The following PLEKHG7 variants were observed in gnomAD, a reference collection of about 807,000 sequenced individuals.
PLEKHG7 encodes the protein pleckstrin homology and RhoGEF domain containing G7.
PLEKHG7 carries 77 observed loss-of-function variants against 85.2 expected under a neutral mutation model. The observed-to-expected ratio is 0.90, with a 90% CI of 0.75 to 1.09. PLEKHG7 has a LOEUF of 1.09. Among genes scored for constraint, PLEKHG7 ranks in the 50% least tolerant of loss-of-function variants. PLEKHG7 has a pLI of 0.00. For synonymous variants in PLEKHG7, 301 were observed against 302.4 expected (o/e 1.00, Z 0.05); for missense variants, 777 against 804.3 (o/e 0.97, Z 0.41).
intron 15 of PLEKHG7, among the ~76,000 whole-genome samples, chr12:92,767,212 AT>A (rs1459531793): frequency 2.0e-5 from 3 of 152,360 alleles, no homozygotes; most frequent in Middle Eastern, 3.4e-3. Context: ...CAGTTATTGT[AT>A]TAGAATGTCA....
intron 5 of PLEKHG7, among the ~76,000 whole-genome samples, chr12:92,733,666 G>A (rs1273512992): frequency 6.6e-6 from 1 of 152,110 alleles, no homozygotes; most frequent in Non-Finnish European, 1.5e-5. Context: ...TCAGGAGAAG[G>A]GGCATCTCCC....
intron 9 of PLEKHG7, 31 bp downstream of exon 9, chr12:92,741,623 T>G (rs772589852): frequency 1.9e-6 from 3 of 1,547,542 alleles, no homozygotes; most frequent in Non-Finnish European, 1.8e-6. Flanking sequence ...CTCAGCTTCA[T>G]GTAGTAAAAT....
intron 3 of PLEKHG7, among the ~76,000 whole-genome samples, chr12:92,727,927 GGTGTGTGTGTGTGTGTGTGT>G (rs540230230): frequency 5.9e-5 from 5 of 84,980 alleles, no homozygotes; most frequent in Non-Finnish European, 1.2e-4. Flanking sequence ...GGTATTCTAT[GGTGTGTGTGTGTGTGTGTGT>G]GTGTGTGTGT....
intron 10 of PLEKHG7, among the ~76,000 whole-genome samples, chr12:92,753,581 CTT>C (rs1872748536): frequency 6.6e-6 from 1 of 152,226 alleles, no homozygotes; most frequent in African/African-American, 2.4e-5. Flanking sequence ...CCTCTCCTCT[CTT>C]TGTTCTAGAT....
chr12:92,721,641 C>T, intron 3 of PLEKHG7: 2 of 504,478 alleles, frequency 4.0e-6, no homozygotes, highest in Non-Finnish European at 2.5e-6. Flanking sequence ...CCCAGTTATA[C>T]AACCTTCTGG....
Position 92,770,510 on chromosome 12 carries a change from G to T in PLEKHG7, c.*315G>T. ...TAAAGGGTGAATGATCAGATAAATG[G>T]AGTATCAGAAGGAAAACAATGTCCA... On this transcript the variant is annotated 3_prime_UTR_variant, in exon 17 of 17. Transcript: ENST00000344636. The T allele has an allele frequency of 4.0e-6, 1 of 253,084 alleles. No homozygotes were observed. The highest frequency in any genetic ancestry group is 5.8e-5 in the Admixed American group (1 of 17,358). The allele number at this position is 253,084 out of a possible 1,614,324, so 15.7% of individuals were successfully genotyped here.
chr12:92,717,812 C>G (rs1287830475), intron 3 of PLEKHG7, among the ~76,000 whole-genome samples: 2 of 152,184 alleles, frequency 1.3e-5, no homozygotes, highest in African/African-American at 4.8e-5. Context: ...ACAAAATTGC[C>G]TGAGGATGCA....
chr12:92,759,081 A>G (rs927282086), intron 13 of PLEKHG7, among the ~76,000 whole-genome samples: 8 of 152,224 alleles, frequency 5.3e-5, no homozygotes, highest in African/African-American at 1.9e-4. Context: ...CCTAACACAT[A>G]CTGTGTTTCC....
chr12:92,770,187 GA>G lies in PLEKHG7; in HGVS notation c.2071del (p.Ile691PhefsTer19), dbSNP rs1410074827. The G allele has an allele frequency of 1.3e-6, 2 of 1,585,172 alleles. No individual in the cohort carries two copies. Among genetic ancestry groups the G allele is most frequent in the East Asian group, 4.5e-5 (2 of 44,330 alleles). On this transcript the variant is annotated frameshift_variant, in exon 17 of 17. Coordinates refer to ENST00000344636, the MANE Select transcript of PLEKHG7 (RefSeq NM_001377329.1). LOFTEE classifies it high-confidence loss of function. Reference sequence around the variant, plus strand: ...ATTCACATTGCCCGCAGAATCCTCTGAAATTTAGGGACCTAAAACAAGTGGC... The same window carrying G: ...ATTCACATTGCCCGCAGAATCCTCTGAATTTAGGGACCTAAAACAAGTGGC... Reference protein sequence around the residue: ...SLFTLPAESSEI With the variant: ...SLFTLPAESSXI
chr12:92,749,022 G>T (rs1872613404), intron 10 of PLEKHG7, among the ~76,000 whole-genome samples: 1 of 152,204 alleles, frequency 6.6e-6, no homozygotes, highest in Admixed American at 6.5e-5. Context: ...AGATATGGTT[G>T]TTCTAGGGCA....
rs71456571 is a variant in PLEKHG7, at chr12:92,707,119, T to C, written c.488T>C (p.Leu163Pro). The change falls in exon 2 of 17, where the codon CTA becomes CCA. Residue 163 changes from leucine (L) to proline (P), a missense_variant. This residue lies in a region of PLEKHG7 where 252 missense variants were observed against 241.9 expected (regional missense o/e 1.04). Coordinates refer to ENST00000344636, the MANE Select transcript of PLEKHG7 (RefSeq NM_001377329.1). ...GGCCACTTCCTGCCCAGCCCCACCC[T>C]ACGACACCCTAGTCCTCAGGTAACA... The part of the protein sequence containing the change: ...QEGHFLPSPT[L>P]RHPSPQGEEL... 1 of 1,613,148 alleles carries C rather than the reference T, an allele frequency of 6.2e-7. No individual in the cohort carries two copies. Among genetic ancestry groups the C allele is most frequent in the African/African-American group, 1.3e-5 (1 of 74,886 alleles).
rs769421036 is a variant in PLEKHG7, at chr12:92,706,853, G to A, written c.222G>A (p.Trp74Ter). 7 of 1,613,902 alleles carry A rather than the reference G, an allele frequency of 4.3e-6. No individual in the cohort carries two copies. The South Asian group carries it at 4.4e-5, about 10-fold the overall frequency. Residue 74 changes from tryptophan (W) to a stop codon, truncating the protein, a stop_gained, in exon 2 of 17, where the codon TGG (tryptophan) becomes TGA (stop). Transcript: ENST00000344636. LOFTEE classifies it high-confidence loss of function. ...DAWQVTTWGS[W>*]GAPVGFPCYL... ...GGCAGGTGACCACCTGGGGAAGCTG[G>A]GGAGCTCCTGTGGGCTTCCCATGTT...
rs1872769372 is a variant in PLEKHG7 at position 92,754,331 on chromosome 12, G to A, written c.1426+67G>A. On this transcript the variant is annotated intron_variant, in intron 11 of 16. Coordinates refer to ENST00000344636, the MANE Select transcript of PLEKHG7 (RefSeq NM_001377329.1). ...CCTTGTGACTCCTGGAAACCTTCTG[G>A]GCTTCCATCCTAGGAGGTAATTCCA... The A allele has an allele frequency of 3.4e-6, 5 of 1,488,880 alleles. No homozygotes were observed. The South Asian group carries it at 4.8e-5, about 14-fold the overall frequency. The allele number at this position is 1,488,880 out of a possible 1,614,324, so 92.2% of individuals were successfully genotyped here.
intron 1 of PLEKHG7, among the ~76,000 whole-genome samples, chr12:92,703,670 T>C (rs1367333661): frequency 6.6e-6 from 1 of 152,236 alleles, no homozygotes; most frequent in Non-Finnish European, 1.5e-5. Flanking sequence ...GTGCTTGAGC[T>C]CTTCCTGCCT....
At chr12:92,724,572 G>A (rs1025762577) in intron 3 of PLEKHG7, among the ~76,000 whole-genome samples, 3 of 152,196 alleles carry the variant, frequency 2.0e-5, no homozygotes, top group Non-Finnish European at 4.4e-5. Flanking sequence ...AGGAAAGAGA[G>A]GGTTTTGGGT....
intron 13 of PLEKHG7, among the ~76,000 whole-genome samples, chr12:92,757,278 C>T (rs377008093): frequency 2.6e-5 from 4 of 152,302 alleles, no homozygotes; most frequent in South Asian, 4.1e-4. Context: ...ATTTCATGCC[C>T]AATAAATATC....
chr12:92,759,875 C>A (rs1448665008), intron 13 of PLEKHG7, among the ~76,000 whole-genome samples: 1 of 152,200 alleles, frequency 6.6e-6, no homozygotes, highest in Admixed American at 6.5e-5. Context: ...GATTCAGCCA[C>A]TGGAGACGGA....
chr12:92,734,784 A>G (rs1231210302), intron 5 of PLEKHG7, among the ~76,000 whole-genome samples: 1 of 152,182 alleles, frequency 6.6e-6, no homozygotes, highest in African/African-American at 2.4e-5. Flanking sequence ...CTCCAGTTCC[A>G]TGTCACCAAT....
At chr12:92,735,836 T>A (rs956942933) in intron 5 of PLEKHG7, among the ~76,000 whole-genome samples, 1 of 152,048 alleles carries the variant, frequency 6.6e-6, no homozygotes, top group Admixed American at 6.5e-5. Flanking sequence ...TGAAGACACA[T>A]TTCATGCTTT....
Sources: gnomAD v4.1 joint callset for allele counts (sites outside exome capture counted in the v4.1 genomes callset) on GRCh38, gnomAD v4.1.1 for gene constraint, gnomAD v4.1.1 regional missense constraint, MANE v1.5 for transcripts, NCBI Gene and HGNC (gene_info 2026-07-23, HGNC 2026-07-21) for gene names.